The following CEP85L variants were observed in gnomAD, a reference collection of about 807,000 sequenced individuals.
CEP85L encodes the protein centrosomal protein of 85 kDa-like.
A neutral mutation model predicts 100.3 loss-of-function variants in CEP85L; 60 were observed. The observed-to-expected ratio is 0.60, with a 90% CI of 0.49 to 0.74. The LOEUF (loss-of-function observed/expected upper bound fraction) is 0.74, where lower values mean the gene tolerates loss of function less well. Ranked by LOEUF, CEP85L falls within the 30% of genes least tolerant of loss-of-function variation. The pLI, the probability that CEP85L is intolerant of heterozygous loss-of-function variation, is 0.00. For missense variants in CEP85L, 973 were observed against 936.2 expected (o/e 1.04, Z -0.51); for synonymous variants, 319 against 322.7 (o/e 0.99, Z 0.12).
intron 3 of CEP85L, chr6:118,558,773 G>A (rs1026145227): frequency 1.5e-5 from 10 of 683,928 alleles, no homozygotes; most frequent in African/African-American, 1.4e-4. Context: ...TTTTTGTTCT[G>A]AGGATAGGTT....
intron 1 of CEP85L, among the ~76,000 whole-genome samples, chr6:118,677,113 T>A (rs918064546): frequency 6.6e-6 from 1 of 152,276 alleles, no homozygotes; most frequent in East Asian, 1.9e-4. Context: ...CTCTGTTACT[T>A]ATCACTAATG....
chr6:118,683,757 T>A (rs1776740998), intron 1 of CEP85L, among the ~76,000 whole-genome samples: 1 of 152,202 alleles, frequency 6.6e-6, no homozygotes, highest in Admixed American at 6.5e-5. Context: ...CATGATCAAC[T>A]CTGTAAAAGC....
intron 2 of CEP85L, among the ~76,000 whole-genome samples, chr6:118,581,292 G>C (rs1780563523): frequency 2.0e-5 from 3 of 152,078 alleles, no homozygotes. Flanking sequence ...TTTAAGTCTG[G>C]AAGTTAACTG....
chr6:118,614,072 C>T (rs1051901126), intron 2 of CEP85L, among the ~76,000 whole-genome samples: 1 of 152,062 alleles, frequency 6.6e-6, no homozygotes, highest in Non-Finnish European at 1.5e-5. Flanking sequence ...GTTCGTTAAA[C>T]ATTTTTTAAA....
chr6:118,506,161 G>C (rs1490143392), intron 5 of CEP85L, among the ~76,000 whole-genome samples: 1 of 152,176 alleles, frequency 6.6e-6, no homozygotes, highest in Non-Finnish European at 1.5e-5. Flanking sequence ...CGTATGGAAC[G>C]AATAGGATTA....
chr6:118,592,146 C>T (rs1356875499), intron 2 of CEP85L, among the ~76,000 whole-genome samples: 1 of 152,076 alleles, frequency 6.6e-6, no homozygotes, highest in African/African-American at 2.4e-5. Flanking sequence ...TCTAGTGTTA[C>T]CTATATTATC....
intron 1 of CEP85L, among the ~76,000 whole-genome samples, chr6:118,650,865 G>A (rs577989252): frequency 3.3e-5 from 5 of 152,306 alleles, no homozygotes; most frequent in African/African-American, 1.2e-4. Context: ...TATCACGCAG[G>A]TCACACACCC....
intron 3 of CEP85L, among the ~76,000 whole-genome samples, chr6:118,535,367 G>A (rs182959575): frequency 6.6e-6 from 1 of 152,116 alleles, no homozygotes; most frequent in African/African-American, 2.4e-5. Context: ...GTTGCCAAGC[G>A]GGGTAGAGGA....
chr6:118,697,210 C>T (rs545118398), intron 1 of CEP85L, among the ~76,000 whole-genome samples: 4 of 152,272 alleles, frequency 2.6e-5, no homozygotes, highest in African/African-American at 9.6e-5. Context: ...GGAGCTTGGA[C>T]ACCTGTACAA....
intron 1 of CEP85L, among the ~76,000 whole-genome samples, chr6:118,683,905 AC>A (rs1434661958): frequency 6.6e-6 from 1 of 152,214 alleles, no homozygotes; most frequent in Admixed American, 6.5e-5. Flanking sequence ...GATGCAGGAC[AC>A]AGAGTTGCTC....
chr6:118,517,918 C>A (rs111233522), intron 4 of CEP85L, among the ~76,000 whole-genome samples: 1 of 151,982 alleles, frequency 6.6e-6, no homozygotes, highest in Admixed American at 6.5e-5. Flanking sequence ...GCATCAATAC[C>A]TAGTTTATTG....
chr6:118,593,425 G>A (rs1294284195), intron 2 of CEP85L, among the ~76,000 whole-genome samples: 2 of 151,804 alleles, frequency 1.3e-5, no homozygotes, highest in African/African-American at 4.8e-5. Flanking sequence ...AAAGAGGTTT[G>A]ATTGGAAGGC....
intron 1 of CEP85L, among the ~76,000 whole-genome samples, chr6:118,633,133 T>C (rs896447310): frequency 2.0e-5 from 3 of 152,200 alleles, no homozygotes; most frequent in African/African-American, 7.2e-5. Flanking sequence ...CATTATTTTA[T>C]TTGAATTATT....
chr6:118,594,637 G>A (rs1043873782), intron 2 of CEP85L, among the ~76,000 whole-genome samples: 36 of 152,076 alleles, frequency 2.4e-4, no homozygotes, highest in African/African-American at 8.4e-4. Context: ...GGGAGGCCGA[G>A]GCTGGTGGAT....
chr6:118,476,735 C>G (rs1278214243), intron 10 of CEP85L, among the ~76,000 whole-genome samples: 2 of 152,164 alleles, frequency 1.3e-5, no homozygotes, highest in Non-Finnish European at 2.9e-5. Flanking sequence ...GTGGTTCCAA[C>G]CACGGCCAAG....
At chr6:118,505,828 T>C (rs543742246) in intron 5 of CEP85L, among the ~76,000 whole-genome samples, 3 of 152,166 alleles carry the variant, frequency 2.0e-5, no homozygotes, top group Non-Finnish European at 4.4e-5. Context: ...CATTACTAAT[T>C]TGTCAAAACC....
chr6:118,483,274 T>C (rs1012138382), intron 7 of CEP85L, among the ~76,000 whole-genome samples: 5 of 151,162 alleles, frequency 3.3e-5, no homozygotes, highest in Admixed American at 2.0e-4. Flanking sequence ...AGGAGTTAAT[T>C]GAAGTCATAG....
At chr6:118,514,966 G>A (rs999323879) in intron 4 of CEP85L, among the ~76,000 whole-genome samples, 7 of 151,480 alleles carry the variant, frequency 4.6e-5, no homozygotes, top group African/African-American at 7.3e-5. Context: ...CACTGTGCCC[G>A]GCTAAGTTTT....
In CEP85L at chr6:118,460,827, A is replaced by G. The variant is rs534148465; in HGVS notation, c.*4578T>C. ...ATACAAATTCCAACATCAACAAACA[A>G]TAGTCCAGTGGAAAAATACTAGCCA... On this transcript the variant is annotated 3_prime_UTR_variant, in exon 13 of 13. Transcript: ENST00000368491. 39 of 152,138 alleles carry G rather than the reference A, an allele frequency of 2.6e-4. No homozygotes were observed. In the South Asian group the frequency reaches 6.2e-3, roughly 24 times the overall value. 9.4% of individuals were successfully genotyped at this position (152,138 alleles called of 1,614,324 possible). A position where few individuals can be genotyped will look rare whatever the true frequency, so the allele number is the denominator to read the frequency against.
Sources: allele counts gnomAD v4.1 joint callset (sites outside exome capture counted in the v4.1 genomes callset), GRCh38; gene constraint gnomAD v4.1.1; transcripts MANE v1.5; gene names NCBI Gene and HGNC (gene_info 2026-07-23, HGNC 2026-07-21).